FBXW7: variants seen among roughly 807,000 people sequenced by gnomAD.
FBXW7 encodes F-box and WD repeat domain containing 7.
A neutral mutation model predicts 86.3 loss-of-function variants in FBXW7; 11 were observed. The ratio of observed to expected loss-of-function variants is 0.13; its 90% CI spans 0.08 to 0.21. The LOEUF is 0.21. Ranked by LOEUF, FBXW7 falls within the 10% of genes least tolerant of loss-of-function variation. The probability of loss-of-function intolerance (pLI) is 1.00; values close to 1 mark genes in which losing one functional copy is unlikely to be tolerated. For missense variants in FBXW7, 488 were observed against 847.4 expected, an observed-to-expected ratio of 0.58 and a Z score of 5.27; for synonymous variants, 313 against 297.9, an observed-to-expected ratio of 1.05 and a Z score of -0.52.
At chr4:152,458,666 AT>A (rs1742660230) in intron 2 of FBXW7, among the ~76,000 whole-genome samples, 1 of 152,240 alleles carries the variant, frequency 6.6e-6, no homozygotes, top group Non-Finnish European at 1.5e-5. Flanking sequence ...CCACAGTCCC[AT>A]ATCTACCTTT....
intron 2 of FBXW7, among the ~76,000 whole-genome samples, chr4:152,427,050 G>A (rs751374884): frequency 1.3e-5 from 2 of 152,166 alleles, no homozygotes; most frequent in Admixed American, 6.5e-5. Context: ...GGATGGTGAC[G>A]GAGTTTAAAG....
At chr4:152,360,772 T>C (rs1350257190) in intron 4 of FBXW7, among the ~76,000 whole-genome samples, 2 of 151,308 alleles carry the variant, frequency 1.3e-5, no homozygotes, top group Non-Finnish European at 2.9e-5. Flanking sequence ...AAGCATATAT[T>C]TTATGTGTGT....
intron 6 of FBXW7, among the ~76,000 whole-genome samples, chr4:152,340,876 C>A (rs1181953705): frequency 6.6e-6 from 1 of 152,078 alleles, no homozygotes; most frequent in East Asian, 1.9e-4. Context: ...CACAGTCTTC[C>A]TCATTTCAGT....
rs545823070 is a variant in FBXW7, at chr4:152,430,651, T to C, written c.-119-18122A>G. 2.6e-5 allele frequency among the ~76,000 whole-genome samples: 4 copies of C among 152,180 alleles called. No individual in the cohort carries two copies. The South Asian group carries it at 8.3e-4, about 32-fold the overall frequency. The stretch of plus-strand genomic sequence containing the variant: ...GTTTTTTGGATTTTGTCAGTGGTGG[T>C]GGTGGTGGTAGGTTTGGCTTTTTCA... On this transcript the variant is annotated intron_variant, in intron 2 of 13. Transcript: ENST00000281708.
At chr4:152,337,643 A>G in intron 7 of FBXW7, 159 bp downstream of exon 7, 1 of 639,698 alleles carries the variant, frequency 1.6e-6, no homozygotes. Flanking sequence ...TTATTAAGTC[A>G]TGGCAATTTA....
chr4:152,465,860 A>G (rs572159537), intron 2 of FBXW7, among the ~76,000 whole-genome samples: 11 of 151,146 alleles, frequency 7.3e-5, no homozygotes, highest in East Asian at 5.8e-4. Context: ...AAAAAAAAAA[A>G]AGAGAACAAT....
chr4:152,506,220 C>T (rs1386426744), intron 2 of FBXW7, among the ~76,000 whole-genome samples: 6 of 152,150 alleles, frequency 3.9e-5, no homozygotes, highest in Admixed American at 1.3e-4. Context: ...CAAGCTCTGC[C>T]TCCCAGGTTC....
intron 2 of FBXW7, among the ~76,000 whole-genome samples, chr4:152,484,736 T>G (rs957112930): frequency 2.6e-4 from 39 of 152,166 alleles, no homozygotes; most frequent in African/African-American, 8.7e-4. Context: ...CCAAGGTGGG[T>G]GGATCACCTG....
intron 2 of FBXW7, among the ~76,000 whole-genome samples, chr4:152,414,937 T>C (rs1382361765): frequency 4.6e-5 from 7 of 152,152 alleles, no homozygotes; most frequent in African/African-American, 1.7e-4. Flanking sequence ...TTAGTGACTA[T>C]CCTTTGTTGA....
At chr4:152,362,631 C>T (rs1296901474) in intron 4 of FBXW7, among the ~76,000 whole-genome samples, 1 of 151,920 alleles carries the variant, frequency 6.6e-6, no homozygotes, top group Non-Finnish European at 1.5e-5. Context: ...CAGGCCATCA[C>T]CTGGCCAAGA....
intron 4 of FBXW7, among the ~76,000 whole-genome samples, chr4:152,395,848 T>G (rs909405846): frequency 1.3e-5 from 2 of 152,190 alleles, no homozygotes; most frequent in South Asian, 2.1e-4. Context: ...TGATGTCTAG[T>G]GAAAAATAGG....
intron 4 of FBXW7, among the ~76,000 whole-genome samples, chr4:152,372,355 C>A (rs1052502172): frequency 6.6e-6 from 1 of 151,894 alleles, no homozygotes; most frequent in African/African-American, 2.4e-5. Context: ...TAGTTCCATG[C>A]TCTTGGAGAC....
rs980483928 is a variant in FBXW7, at chr4:152,410,974, A to G, written c.501+329T>C. ...GTTTCTTCATTACTTGATTTACACA[A>G]ATCATGTTTCACCCGAAACCTCTAC... On this transcript the variant is annotated intron_variant, in intron 4 of 13. Coordinates refer to ENST00000281708, the MANE Select transcript of FBXW7 (RefSeq NM_001349798.2). Among the ~76,000 whole-genome samples, 4 of 152,132 alleles carry G rather than the reference A, an allele frequency of 2.6e-5. No individual in the cohort carries two copies. In the East Asian group the frequency reaches 7.7e-4, roughly 29 times the overall value.
intron 4 of FBXW7, among the ~76,000 whole-genome samples, chr4:152,389,404 C>T (rs1735811095): frequency 6.6e-6 from 1 of 152,026 alleles, no homozygotes; most frequent in Non-Finnish European, 1.5e-5. Context: ...TATGTTTACA[C>T]ACACACACAA....
intron 2 of FBXW7, among the ~76,000 whole-genome samples, chr4:152,471,781 T>A (rs1052378875): frequency 1.3e-5 from 2 of 151,902 alleles, no homozygotes; most frequent in African/African-American, 4.8e-5. Flanking sequence ...ATACCTGCAG[T>A]CCCAGCTACT....
At chr4:152,462,325 A>G (rs913162395) in intron 2 of FBXW7, among the ~76,000 whole-genome samples, 24 of 152,364 alleles carry the variant, frequency 1.6e-4, no homozygotes, top group African/African-American at 5.8e-4. Context: ...TGAGAAATGT[A>G]CTGTCAAAAA....
intron 4 of FBXW7, among the ~76,000 whole-genome samples, chr4:152,404,709 T>C (rs1304150823): frequency 1.3e-5 from 2 of 152,194 alleles, no homozygotes; most frequent in Non-Finnish European, 2.9e-5. Context: ...AATTTAACGA[T>C]CTGTACATAT....
intron 2 of FBXW7, among the ~76,000 whole-genome samples, chr4:152,480,468 G>T (rs1744781912): frequency 6.6e-6 from 1 of 151,990 alleles, no homozygotes; most frequent in African/African-American, 2.4e-5. Flanking sequence ...ACCCCACAAT[G>T]GCCTCTAAGT....
intron 2 of FBXW7, among the ~76,000 whole-genome samples, chr4:152,456,934 A>G (rs1254528423): frequency 6.6e-6 from 1 of 152,266 alleles, no homozygotes; most frequent in Non-Finnish European, 1.5e-5. Flanking sequence ...TTTATTCATA[A>G]TAGTCAATAA....
Sources: allele counts gnomAD v4.1 joint callset (sites outside exome capture counted in the v4.1 genomes callset), GRCh38; gene constraint gnomAD v4.1.1; transcripts MANE v1.5; gene names NCBI Gene and HGNC (gene_info 2026-07-23, HGNC 2026-07-21).